MICU2: variants seen among roughly 807,000 people sequenced by gnomAD.
MICU2 encodes mitochondrial calcium uptake 2.
A neutral mutation model predicts 60.4 loss-of-function variants in MICU2; 64 were observed. The observed-to-expected ratio is 1.06, with a 90% CI of 0.87 to 1.31. The LOEUF is 1.31. Ranked by LOEUF, MICU2 falls within the 50% of genes most tolerant of loss-of-function variation. The probability of loss-of-function intolerance (pLI) is 0.00; values close to 1 mark genes in which losing one functional copy is unlikely to be tolerated. For synonymous variants in MICU2, 201 were observed against 175.0 expected (o/e 1.15, Z -1.17); for missense variants, 569 against 531.0 (o/e 1.07, Z -0.70).
At chr13:21,504,045 C>CTG (rs1886239564) in intron 8 of MICU2, among the ~76,000 whole-genome samples, 1 of 152,122 alleles carries the variant, frequency 6.6e-6, no homozygotes, top group South Asian at 2.1e-4. Context: ...TCTTAGACTT[C>CTG]TGTCTACATG....
intron 4 of MICU2, among the ~76,000 whole-genome samples, chr13:21,524,236 A>G (rs1481652600): frequency 6.6e-6 from 1 of 152,204 alleles, no homozygotes; most frequent in Non-Finnish European, 1.5e-5. Context: ...AGAGAATAAT[A>G]TGATGAATAA....
chr13:21,531,423 T>C (rs1341032278), intron 4 of MICU2: 2 of 748,868 alleles, frequency 2.7e-6, no homozygotes, highest in African/African-American at 3.6e-5. Flanking sequence ...GCCTGTGGTG[T>C]CAAAGTGCAT....
At chr13:21,526,812 A>G (rs1023542049) in intron 4 of MICU2, among the ~76,000 whole-genome samples, 189 of 29,492 alleles carry the variant, frequency 6.4e-3, no homozygotes, top group African/African-American at 0.033. Context: ...AGCAATGGGA[A>G]AAAAAAAAAC....
intron 2 of MICU2, among the ~76,000 whole-genome samples, chr13:21,564,767 T>C (rs1887934925): frequency 1.3e-5 from 2 of 152,222 alleles, no homozygotes; most frequent in South Asian, 2.1e-4. Flanking sequence ...TCCCTCCCAA[T>C]GAGGAAGAGG....
intron 1 of MICU2, among the ~76,000 whole-genome samples, chr13:21,594,355 G>A (rs1200790683): frequency 1.3e-5 from 2 of 152,130 alleles, no homozygotes; most frequent in African/African-American, 4.8e-5. Flanking sequence ...AGTCAGAATG[G>A]TGATTATTAA....
At chr13:21,539,036 C>G (rs766462026) in intron 4 of MICU2, among the ~76,000 whole-genome samples, 1 of 130,378 alleles carries the variant, frequency 7.7e-6, no homozygotes, top group Non-Finnish European at 1.8e-5. Flanking sequence ...GTCCACTCCC[C>G]TAAGTGGTGT....
chr13:21,552,630 T>C (rs1394539582), intron 2 of MICU2, among the ~76,000 whole-genome samples: 2 of 152,218 alleles, frequency 1.3e-5, no homozygotes, highest in Non-Finnish European at 2.9e-5. Context: ...AGGGATCCAG[T>C]TTCAGCTTTC....
intron 8 of MICU2, among the ~76,000 whole-genome samples, chr13:21,504,770 T>G (rs1290554051): frequency 6.6e-6 from 1 of 152,200 alleles, no homozygotes; most frequent in Non-Finnish European, 1.5e-5. Flanking sequence ...GCTGTGAGTC[T>G]ATCATGCATG....
At chr13:21,603,823 C>T in intron 1 of MICU2, 116 bp downstream of exon 1, 2 of 1,171,494 alleles carry the variant, frequency 1.7e-6, no homozygotes, top group African/African-American at 1.6e-5. Context: ...CGATCCGCAG[C>T]GGCACCTCCA....
chr13:21,518,637 G>A (rs1203268916), intron 6 of MICU2, among the ~76,000 whole-genome samples: 6 of 152,150 alleles, frequency 3.9e-5, no homozygotes, highest in South Asian at 2.1e-4. Context: ...AATTCTCACA[G>A]CTTAACTAAC....
intron 6 of MICU2, among the ~76,000 whole-genome samples, chr13:21,519,997 T>A (rs1270362383): frequency 1.3e-5 from 2 of 152,220 alleles, no homozygotes; most frequent in Non-Finnish European, 2.9e-5. Flanking sequence ...AGTTCTCTCA[T>A]TTTTCTTTGC....
chr13:21,575,730 A>C (rs1888211853), intron 1 of MICU2, among the ~76,000 whole-genome samples: 1 of 16,034 alleles, frequency 6.2e-5, no homozygotes, highest in South Asian at 4.5e-3. Flanking sequence ...ACTCTGTCTC[A>C]AAAAAAAAAA....
chr13:21,587,333 G>A (rs994254539), intron 1 of MICU2, among the ~76,000 whole-genome samples: 2 of 152,176 alleles, frequency 1.3e-5, no homozygotes, highest in Admixed American at 6.5e-5. Context: ...TGAGTATAAA[G>A]TACTTATTAA....
intron 9 of MICU2, 66 bp from the exon 10 acceptor site, chr13:21,496,226 A>G (rs1384727170): frequency 4.1e-6 from 5 of 1,221,988 alleles, no homozygotes; most frequent in Admixed American, 3.8e-5. Context: ...AATGTTAACT[A>G]TGAACTTTCT....
Position 21,515,113 on chromosome 13 carries a change from G to A in MICU2, c.598-695C>T, listed in dbSNP as rs1296387455. Among the ~76,000 whole-genome samples the A allele has an allele frequency of 5.4e-5, 8 of 147,472 alleles. No individual in the cohort carries two copies. In the South Asian group the frequency reaches 6.4e-4, roughly 12 times the overall value. On this transcript the variant is annotated intron_variant, in intron 6 of 11. Coordinates refer to ENST00000382374, the MANE Select transcript of MICU2 (RefSeq NM_152726.3). Reference sequence around the variant, plus strand: ...TTTTTTTTTTTTGAGACGGAGTCTCGCTCTGTCACCCAGGCTGGAGTGCAG... The same window carrying A: ...TTTTTTTTTTTTGAGACGGAGTCTCACTCTGTCACCCAGGCTGGAGTGCAG...
Position 21,604,134 on chromosome 13 carries a change from C to T in MICU2, c.15G>A (p.Ala5=), listed in dbSNP as rs760058901. MAAA[A]GSCARVAAWG... ...AGGCCGCCACCCGCGCGCAGCTACC[C>T]GCAGCCGCCGCCATCTTTGCGGAAG... Residue 5 remains alanine (A), a synonymous_variant, in exon 1 of 12, where the codon GCG becomes GCA. Transcript: ENST00000382374. The T allele has an allele frequency of 5.1e-6, 8 of 1,561,030 alleles. No individual in the cohort carries two copies. The highest frequency in any genetic ancestry group is 4.2e-5 in the African/African-American group (3 of 72,274).
At chr13:21,588,224 A>G (rs1229774645) in intron 1 of MICU2, among the ~76,000 whole-genome samples, 1 of 152,228 alleles carries the variant, frequency 6.6e-6, no homozygotes, top group African/African-American at 2.4e-5. Flanking sequence ...TTGGCAATTA[A>G]GACAGGATAC....
chr13:21,503,759 C>T (rs1886233661), intron 8 of MICU2, among the ~76,000 whole-genome samples: 1 of 152,162 alleles, frequency 6.6e-6, no homozygotes. Flanking sequence ...TGAACAAGAA[C>T]CCAGAAACGT....
intron 2 of MICU2, 89 bp downstream of exon 2, chr13:21,566,708 G>A (rs907417223): frequency 3.7e-6 from 4 of 1,095,400 alleles, no homozygotes; most frequent in Non-Finnish European, 5.2e-6. Context: ...TAATTAAAAT[G>A]AAGAAAAGCT....
Sources: gnomAD v4.1 joint callset for allele counts (sites outside exome capture counted in the v4.1 genomes callset) on GRCh38, gnomAD v4.1.1 for gene constraint, MANE v1.5 for transcripts, NCBI Gene and HGNC (gene_info 2026-07-23, HGNC 2026-07-21) for gene names.